PRELID2: variants seen among roughly 807,000 people sequenced by gnomAD.
PRELID2 encodes the protein PRELI domain containing 2.
Under a neutral mutation model 28.4 loss-of-function variants are expected in PRELID2, and 25 were observed. That is an observed-to-expected ratio of 0.88 (90% confidence interval 0.64 to 1.23). PRELID2 has a LOEUF of 1.23. Among genes scored for constraint, PRELID2 ranks in the 50% most tolerant of loss-of-function variants. The pLI is 0.00. For synonymous variants in PRELID2, 76 were observed against 71.6 expected, an observed-to-expected ratio of 1.06 and a Z score of -0.31; for missense variants, 201 against 214.4, an observed-to-expected ratio of 0.94 and a Z score of 0.39.
intron 1 of PRELID2, among the ~76,000 whole-genome samples, chr5:145,684,279 AC>A (rs1249669667): frequency 1.3e-5 from 2 of 152,226 alleles, no homozygotes; most frequent in African/African-American, 4.8e-5. Context: ...TCCAGGCTCA[AC>A]AAACCAATCT....
chr5:145,719,641 G>A (rs1025472), intron 1 of PRELID2, among the ~76,000 whole-genome samples: 27,969 of 151,728 alleles, frequency 0.18, 2,997 homozygotes, highest in African/African-American at 0.29. Context: ...AATGCTTATA[G>A]TCTCCCCGGA....
chr5:145,406,164 A>C, the PRELID2 span, among the ~76,000 whole-genome samples: 1 of 152,148 alleles, frequency 6.6e-6, no homozygotes, highest in African/African-American at 2.4e-5. Context: ...ATTAAAATTC[A>C]ACATGAGATT....
intron 1 of PRELID2, among the ~76,000 whole-genome samples, chr5:145,607,002 C>A (rs1753514931): frequency 6.6e-6 from 1 of 152,204 alleles, no homozygotes; most frequent in Non-Finnish European, 1.5e-5. Context: ...TGTACCATTT[C>A]TTCTAGGTTT....
intron 5 of PRELID2, among the ~76,000 whole-genome samples, chr5:145,765,734 A>C (rs2149771695): frequency 6.6e-6 from 1 of 152,274 alleles, no homozygotes; most frequent in Admixed American, 6.5e-5. Context: ...CTGAGTGCGC[A>C]CTACAATACC....
At chr5:145,245,574 G>A in the PRELID2 span, among the ~76,000 whole-genome samples, 11 of 152,110 alleles carry the variant, frequency 7.2e-5, no homozygotes, top group African/African-American at 2.7e-4. Flanking sequence ...TAACTTAAGA[G>A]TGAGAAAAAG....
chr5:145,596,982 C>T (rs1753316148), intron 1 of PRELID2, among the ~76,000 whole-genome samples: 2 of 152,054 alleles, frequency 1.3e-5, no homozygotes, highest in Non-Finnish European at 2.9e-5. Flanking sequence ...GAATGGCAAA[C>T]ACGAAATGCA....
At chr5:145,721,371 T>C (rs990234360) in intron 1 of PRELID2, among the ~76,000 whole-genome samples, 4 of 152,156 alleles carry the variant, frequency 2.6e-5, no homozygotes, top group Non-Finnish European at 5.9e-5. Flanking sequence ...GTCAAGGGTA[T>C]GTCAGAAACT....
chr5:145,809,761 T>C (rs116305832), intron 4 of PRELID2, among the ~76,000 whole-genome samples: 2,557 of 152,372 alleles, frequency 0.017, 53 homozygotes, highest in African/African-American at 0.053. Context: ...TCTCCATTGA[T>C]GGTAGTAACT....
the PRELID2 span, among the ~76,000 whole-genome samples, chr5:145,431,685 C>T: frequency 6.6e-6 from 1 of 152,150 alleles, no homozygotes; most frequent in South Asian, 2.1e-4. Context: ...AAGAAACGTT[C>T]TACAAAATAA....
At chr5:145,554,397 CATA>C (rs1257209798) in intron 1 of PRELID2, among the ~76,000 whole-genome samples, 1 of 152,136 alleles carries the variant, frequency 6.6e-6, no homozygotes, top group Non-Finnish European at 1.5e-5. Flanking sequence ...ACTTAAGATG[CATA>C]ATGACAGAAG....
chr5:145,355,848 G>A, the PRELID2 span, among the ~76,000 whole-genome samples: 1 of 152,086 alleles, frequency 6.6e-6, no homozygotes, highest in African/African-American at 2.4e-5. Context: ...AAAGTTACAT[G>A]AGCTGGTATG....
the PRELID2 span, among the ~76,000 whole-genome samples, chr5:145,281,459 G>A: frequency 6.6e-6 from 1 of 152,178 alleles, no homozygotes; most frequent in Non-Finnish European, 1.5e-5. Flanking sequence ...AATTTAAGCA[G>A]TGCATGCTAG....
chr5:145,802,727 T>A (rs755987122), intron 4 of PRELID2, among the ~76,000 whole-genome samples: 16 of 152,130 alleles, frequency 1.1e-4, no homozygotes, highest in Non-Finnish European at 1.8e-4. Context: ...TTAGTGGGTG[T>A]GATTCAAAAC....
the PRELID2 span, among the ~76,000 whole-genome samples, chr5:145,299,602 A>AT: frequency 2.0e-4 from 30 of 147,766 alleles, no homozygotes; most frequent in African/African-American, 6.1e-4. Context: ...CACAGGTTCC[A>AT]TTTTTTTTCC....
chr5:145,376,273 A>G, the PRELID2 span, among the ~76,000 whole-genome samples: 1 of 152,160 alleles, frequency 6.6e-6, no homozygotes, highest in South Asian at 2.1e-4. Flanking sequence ...AAGCTCTTTG[A>G]TATGCTGCTG....
chr5:145,470,009 T>C (rs1016275992), downstream of PRELID2, among the ~76,000 whole-genome samples: 3 of 152,136 alleles, frequency 2.0e-5, no homozygotes, highest in Non-Finnish European at 4.4e-5. Flanking sequence ...ATGAAAATAA[T>C]GAAAACCTGC....
the PRELID2 span, among the ~76,000 whole-genome samples, chr5:145,439,661 T>C: frequency 2.0e-5 from 3 of 152,054 alleles, no homozygotes; most frequent in Admixed American, 1.3e-4. Flanking sequence ...TCTGGGTTTC[T>C]CTATCTCCAT....
At chr5:145,623,207 T>C (rs1753795372) in intron 1 of PRELID2, among the ~76,000 whole-genome samples, 1 of 151,210 alleles carries the variant, frequency 6.6e-6, no homozygotes, top group Non-Finnish European at 1.5e-5. Flanking sequence ...TCCCAGCACT[T>C]TGGGAGGCCA....
chr5:145,360,245 C>T, the PRELID2 span, among the ~76,000 whole-genome samples: 2 of 152,158 alleles, frequency 1.3e-5, no homozygotes, highest in Admixed American at 6.5e-5. Flanking sequence ...AGGTCGGCAC[C>T]ACCACGTGGG....
Sources: gnomAD v4.1 joint callset for allele counts (sites outside exome capture counted in the v4.1 genomes callset) on GRCh38, gnomAD v4.1.1 for gene constraint, MANE v1.5 for transcripts, NCBI Gene and HGNC (gene_info 2026-07-23, HGNC 2026-07-21) for gene names.